GALNT13: variants seen among roughly 807,000 people sequenced by gnomAD.
GALNT13 encodes polypeptide N-acetylgalactosaminyltransferase 13, also known as UDP-GalNAc:polypeptide N-acetylgalactosaminyltransferase 13.
GALNT13 carries 28 observed loss-of-function variants against 64.2 expected under a neutral mutation model. That is an observed-to-expected ratio of 0.44 (90% confidence interval 0.32 to 0.60). The LOEUF (loss-of-function observed/expected upper bound fraction) is 0.60, where lower values mean the gene tolerates loss of function less well. GALNT13 is among the 20% of genes least tolerant of loss of function. The pLI is 0.05. For missense variants in GALNT13, 577 were observed against 669.8 expected, an observed-to-expected ratio of 0.86 and a Z score of 1.53; for synonymous variants, 214 against 224.6, an observed-to-expected ratio of 0.95 and a Z score of 0.42.
the GALNT13 span, among the ~76,000 whole-genome samples, chr2:153,075,788 C>G: frequency 6.6e-6 from 1 of 152,078 alleles, no homozygotes; most frequent in Non-Finnish European, 1.5e-5. Context: ...AAATATTTTG[C>G]AGTCTATCCT....
intron 1 of GALNT13, among the ~76,000 whole-genome samples, chr2:153,881,734 A>G (rs1052222839): frequency 2.0e-5 from 3 of 152,180 alleles, no homozygotes; most frequent in Non-Finnish European, 4.4e-5. Flanking sequence ...ACTTCAATTA[A>G]TCTTTTTTTG....
At chr2:154,408,000 T>C (rs1336315972) in intron 10 of GALNT13, among the ~76,000 whole-genome samples, 1 of 152,110 alleles carries the variant, frequency 6.6e-6, no homozygotes, top group African/African-American at 2.4e-5. Flanking sequence ...AGAGCATAGA[T>C]AAGTAAATAT....
chr2:154,195,396 G>C (rs1056665289), intron 4 of GALNT13, among the ~76,000 whole-genome samples: 14 of 152,116 alleles, frequency 9.2e-5, no homozygotes, highest in Non-Finnish European at 1.6e-4. Flanking sequence ...TTCCTTCGGG[G>C]CTCTTTCTTT....
At chr2:153,876,198 A>C (rs1255236420) in intron 1 of GALNT13, among the ~76,000 whole-genome samples, 2 of 128,528 alleles carry the variant, frequency 1.6e-5, no homozygotes, top group Non-Finnish European at 3.2e-5. Context: ...CAACCCCCCC[A>C]CACTACACAC....
At chr2:153,265,794 C>G in the GALNT13 span, among the ~76,000 whole-genome samples, 2 of 152,150 alleles carry the variant, frequency 1.3e-5, no homozygotes, top group African/African-American at 4.8e-5. Flanking sequence ...GAGATGGAAT[C>G]TGTTTCTGAT....
At chr2:153,917,053 A>T (rs184652562) in intron 2 of GALNT13, among the ~76,000 whole-genome samples, 1 of 152,158 alleles carries the variant, frequency 6.6e-6, no homozygotes, top group Admixed American at 6.5e-5. Context: ...CAGTTTATTC[A>T]GCTGACAAGT....
intron 4 of GALNT13, among the ~76,000 whole-genome samples, chr2:154,169,134 A>G (rs930339698): frequency 6.6e-6 from 1 of 152,086 alleles, no homozygotes; most frequent in Non-Finnish European, 1.5e-5. Flanking sequence ...ACCACAGGGG[A>G]CATTAATCAT....
intron 3 of GALNT13, among the ~76,000 whole-genome samples, chr2:154,018,996 G>A (rs989443721): frequency 3.3e-5 from 5 of 152,054 alleles, no homozygotes; most frequent in African/African-American, 1.2e-4. Flanking sequence ...GAGAGAGAGA[G>A]ATTGACTGTA....
chr2:153,140,309 G>C, the GALNT13 span, among the ~76,000 whole-genome samples: 1 of 152,158 alleles, frequency 6.6e-6, no homozygotes, highest in Middle Eastern at 3.4e-3. Flanking sequence ...AGGTGGAATT[G>C]GCAGAGACTT....
chr2:154,025,883 G>A (rs149863535), intron 3 of GALNT13, among the ~76,000 whole-genome samples: 81 of 152,162 alleles, frequency 5.3e-4, no homozygotes, highest in Admixed American at 2.5e-3. Context: ...CTCAATATAT[G>A]AATAAATGAG....
chr2:153,716,629 G>A, the GALNT13 span, among the ~76,000 whole-genome samples: 1 of 152,090 alleles, frequency 6.6e-6, no homozygotes, highest in Non-Finnish European at 1.5e-5. Context: ...CAGTCATATT[G>A]TAATATAGTC....
intron 11 of GALNT13, among the ~76,000 whole-genome samples, chr2:154,417,241 C>A (rs1033287618): frequency 6.8e-6 from 1 of 146,294 alleles, no homozygotes; most frequent in South Asian, 2.1e-4. Context: ...GTGATGACTC[C>A]GTCGAAATTA....
At chr2:153,903,073 G>A (rs1688336241) in intron 2 of GALNT13, among the ~76,000 whole-genome samples, 1 of 151,846 alleles carries the variant, frequency 6.6e-6, no homozygotes, top group Non-Finnish European at 1.5e-5. Context: ...TGACCTTTAG[G>A]GAGAAATGTA....
the GALNT13 span, among the ~76,000 whole-genome samples, chr2:153,765,531 G>A: frequency 1.3e-5 from 2 of 152,180 alleles, no homozygotes; most frequent in Admixed American, 6.5e-5. Flanking sequence ...ACTTGCTTTT[G>A]ATTTTACAGG....
At chr2:153,856,622 C>A in the GALNT13 span, among the ~76,000 whole-genome samples, 1 of 152,076 alleles carries the variant, frequency 6.6e-6, no homozygotes, top group African/African-American at 2.4e-5. Context: ...GACAAAATTT[C>A]TTGTCTAGGT....
the GALNT13 span, among the ~76,000 whole-genome samples, chr2:153,101,438 G>A: frequency 6.6e-6 from 1 of 152,150 alleles, no homozygotes; most frequent in East Asian, 1.9e-4. Context: ...TCAGGCATAC[G>A]CTGTTTGTTA....
At chr2:154,164,282 T>A (rs773578059) in intron 4 of GALNT13, among the ~76,000 whole-genome samples, 3 of 152,108 alleles carry the variant, frequency 2.0e-5, no homozygotes, top group Non-Finnish European at 4.4e-5. Flanking sequence ...ATATAGATGA[T>A]CACCCAAAAG....
the GALNT13 span, among the ~76,000 whole-genome samples, chr2:153,148,051 C>T: frequency 2.6e-5 from 4 of 151,802 alleles, no homozygotes; most frequent in Non-Finnish European, 4.4e-5. Context: ...AATATTTCAA[C>T]AGTTTTGTCT....
At chr2:154,351,450 G>C (rs924659707) in intron 9 of GALNT13, among the ~76,000 whole-genome samples, 1 of 151,892 alleles carries the variant, frequency 6.6e-6, no homozygotes, top group Non-Finnish European at 1.5e-5. Flanking sequence ...TTGGGAGGCC[G>C]AGACAGGCGG....
Sources: gnomAD v4.1 joint callset for allele counts (sites outside exome capture counted in the v4.1 genomes callset) on GRCh38, gnomAD v4.1.1 for gene constraint, MANE v1.5 for transcripts, NCBI Gene and HGNC (gene_info 2026-07-23, HGNC 2026-07-21) for gene names.